Variants in INSR observed in about 807,000 individuals in gnomAD.
INSR encodes insulin receptor.
Under a neutral mutation model 142.6 loss-of-function variants are expected in INSR, and 67 were observed. The observed-to-expected ratio is 0.47, with a 90% confidence interval of 0.39 to 0.58. INSR has a LOEUF of 0.58. Among genes scored for constraint, INSR ranks in the 20% least tolerant of loss-of-function variants. The probability of loss-of-function intolerance (pLI) is 0.00; values close to 1 mark genes in which losing one functional copy is unlikely to be tolerated. For missense variants in INSR, 1,248 were observed against 1,833.2 expected (o/e 0.68, Z 5.83); for synonymous variants, 756 against 743.1 (o/e 1.02, Z -0.28).
chr19:7,141,757 G>A lies in INSR; in HGVS notation c.2602C>T (p.His868Tyr), dbSNP rs370120425. ...THEIFENNVV[H>Y]LMWQEPKEPN... ...TCCTTCGGCTCCTGCCACATCAAGT[G>A]GACGACGTTGTTCTCAAAGATTTCA... is the stretch of plus-strand genomic sequence containing the variant. The change falls in exon 13 of 22, where the codon CAC (histidine) becomes TAC (tyrosine). Residue 868 changes from histidine to tyrosine, a missense_variant. Physicochemically the swap from His to Tyr is moderately conservative, Grantham distance 83 (BLOSUM62 2). Transcript: ENST00000302850. 1.2e-6 allele frequency: 2 copies of A among 1,614,190 alleles called. No homozygotes were observed. The highest frequency in any genetic ancestry group is 1.7e-6 in the Non-Finnish European group (2 of 1,180,036).
chr19:7,270,681 C>A (rs189407200), intron 1 of INSR, among the ~76,000 whole-genome samples: 1 of 151,996 alleles, frequency 6.6e-6, no homozygotes, highest in Non-Finnish European at 1.5e-5. Context: ...TCACTTGGGT[C>A]CAGGAATAGG....
At chr19:7,130,672 G>C (rs1279626426) in intron 14 of INSR, among the ~76,000 whole-genome samples, 1 of 152,152 alleles carries the variant, frequency 6.6e-6, no homozygotes, top group Non-Finnish European at 1.5e-5. Context: ...AAGCTGAGCA[G>C]ATGCCAGCAT....
chr19:7,274,374 G>T (rs551879551), intron 1 of INSR, among the ~76,000 whole-genome samples: 1 of 152,018 alleles, frequency 6.6e-6, no homozygotes, highest in East Asian at 1.9e-4. Flanking sequence ...GACATGGACT[G>T]CTACTGGTCT....
intron 2 of INSR, among the ~76,000 whole-genome samples, chr19:7,256,222 G>A (rs976405789): frequency 6.6e-6 from 1 of 152,192 alleles, no homozygotes; most frequent in Admixed American, 6.6e-5. Flanking sequence ...AGGATCACCT[G>A]AGGTCAGGAG....
At chr19:7,162,780 A>G (rs971966021) in intron 9 of INSR, among the ~76,000 whole-genome samples, 3 of 152,122 alleles carry the variant, frequency 2.0e-5, no homozygotes, top group Non-Finnish European at 2.9e-5. Flanking sequence ...AGGTCGCGTC[A>G]TTGCACTCCA....
At chr19:7,234,891 T>C (rs1356307624) in intron 2 of INSR, among the ~76,000 whole-genome samples, 1 of 151,838 alleles carries the variant, frequency 6.6e-6, no homozygotes, top group Admixed American at 6.6e-5. Context: ...ACCCCATCTC[T>C]ACGAAAAATA....
At chr19:7,174,794 T>C in intron 3 of INSR, 63 bp from the exon 4 acceptor site, 1 of 1,521,576 alleles carries the variant, frequency 6.6e-7, no homozygotes, top group Non-Finnish European at 9.0e-7. Context: ...GTATCCAAGG[T>C]CCTTCAGACA....
intron 8 of INSR, among the ~76,000 whole-genome samples, chr19:7,164,857 C>T (rs1026657773): frequency 1.4e-5 from 2 of 138,234 alleles, no homozygotes; most frequent in African/African-American, 5.5e-5. Flanking sequence ...AAAAGGCTGG[C>T]ATGGTGGCTT....
chr19:7,141,693 C>T lies in INSR; in HGVS notation c.2666G>A (p.Arg889Gln), dbSNP rs187282966. 420 of 1,614,184 alleles carry T rather than the reference C, an allele frequency of 2.6e-4. 2 individuals are homozygous for T. The highest frequency in any genetic ancestry group is 2.0e-4 in the Admixed American group (12 of 60,020). Reference protein sequence around the residue: ...GLIVLYEVSYRRYGDEELHLC... With the variant: ...GLIVLYEVSYQRYGDEELHLC... Reference sequence around the variant, plus strand: ...GGGCCTTACCTCATCACCATATCGCCGATAACTCACTTCATACAGCACGAT... The same window carrying T: ...GGGCCTTACCTCATCACCATATCGCTGATAACTCACTTCATACAGCACGAT... Residue 889 changes from arginine to glutamine, a missense_variant, in exon 13 of 22, where the codon CGG (arginine) becomes CAG (glutamine). Arg to Gln is a conservative substitution (Grantham distance 43, BLOSUM62 1). Transcript: ENST00000302850.
chr19:7,245,587 T>C (rs904693444), intron 2 of INSR, among the ~76,000 whole-genome samples: 3 of 152,154 alleles, frequency 2.0e-5, no homozygotes, highest in Non-Finnish European at 4.4e-5. Flanking sequence ...TAGCTGGGAC[T>C]ACAGGCATGT....
intron 2 of INSR, among the ~76,000 whole-genome samples, chr19:7,217,621 A>G (rs1975475585): frequency 6.6e-6 from 1 of 152,158 alleles, no homozygotes; most frequent in African/African-American, 2.4e-5. Context: ...TGCAGTGGGC[A>G]CGATCTTGGC....
At chr19:7,252,042 G>A (rs1976744438) in intron 2 of INSR, among the ~76,000 whole-genome samples, 1 of 152,128 alleles carries the variant, frequency 6.6e-6, no homozygotes, top group Non-Finnish European at 1.5e-5. Context: ...GGGTGGCTGA[G>A]GTGGGTGGAT....
rs976424084 is a variant in INSR at position 7,158,342 on chromosome 19, A to T, written c.2029+4690T>A. Among the ~76,000 whole-genome samples the T allele has an allele frequency of 2.6e-5, 4 of 152,104 alleles. 1 individual carries two copies. Among genetic ancestry groups the T allele is most frequent in the South Asian group, 4.2e-4 (2 of 4,816 alleles). On this transcript the variant is annotated intron_variant, in intron 9 of 21. Transcript: ENST00000302850. ...GGTGAAACCCCGTCTCTACTAAAAA[A>T]TACAAAAAATTAGCCGGGCGTGGTG...
intron 11 of INSR, among the ~76,000 whole-genome samples, chr19:7,149,829 AAAG>A (rs971540770): frequency 5.9e-5 from 9 of 151,896 alleles, no homozygotes; most frequent in Middle Eastern, 3.4e-3. Flanking sequence ...TCCAAAAAAA[AAAG>A]AAGAAGGAAA....
chr19:7,171,899 A>C (rs1434745364), intron 5 of INSR, among the ~76,000 whole-genome samples: 4 of 149,778 alleles, frequency 2.7e-5, no homozygotes, highest in African/African-American at 9.9e-5. Flanking sequence ...AAAATCCTTA[A>C]GTTTTTCCTT....
rs1973939236 is a variant in INSR, at chr19:7,168,522, G to A, written c.1484-428C>T. Among the ~76,000 whole-genome samples the A allele has an allele frequency of 6.6e-6, 1 of 152,208 alleles. No homozygotes were observed. The stretch of plus-strand genomic sequence containing the variant: ...TAAACCTATGCCAAGTGAGTTTAGA[G>A]ACCCTGCAGATCATTAGACATCGGA... On this transcript the variant is annotated intron_variant, in intron 6 of 21. Transcript: ENST00000302850. The surrounding 1 kb of genome is among the most constrained non-coding windows in gnomAD (Gnocchi z 4.3).
At chr19:7,184,689 A>C (rs751650248) in intron 2 of INSR, 52 bp from the exon 3 acceptor site, 16 of 1,135,624 alleles carry the variant, frequency 1.4e-5, no homozygotes, top group Non-Finnish European at 1.5e-5. Flanking sequence ...TAAATAAATA[A>C]ATAAATAAAT....
intron 15 of INSR, 79 bp from the exon 16 acceptor site, chr19:7,126,730 A>G: frequency 7.8e-7 from 1 of 1,286,004 alleles, no homozygotes; most frequent in Non-Finnish European, 1.1e-6. Flanking sequence ...AAGACTCCCC[A>G]AGGCAAATGG....
Position 7,218,741 on chromosome 19 carries a change from G to A in INSR, c.653-34104C>T, listed in dbSNP as rs562034485. 4.6e-5 allele frequency among the ~76,000 whole-genome samples: 7 copies of A among 152,158 alleles called. No homozygotes were observed. In the East Asian group the frequency reaches 7.7e-4, roughly 17 times the overall value. On this transcript the variant is annotated intron_variant, in intron 2 of 21. Coordinates refer to ENST00000302850, the MANE Select transcript of INSR (RefSeq NM_000208.4). ...ATATTTTTTGTACAGATGGGGTTTC[G>A]CCATGTTGGCCAGGCTGGTCTCCAA...
Sources: allele counts gnomAD v4.1 joint callset (sites outside exome capture counted in the v4.1 genomes callset), GRCh38; gene constraint gnomAD v4.1.1; non-coding constraint Gnocchi (gnomAD v3.1); transcripts MANE v1.5; gene names NCBI Gene and HGNC (gene_info 2026-07-23, HGNC 2026-07-21).